Variants in ROBO1 observed in about 807,000 individuals in gnomAD.
ROBO1 encodes roundabout homolog 1.
In ROBO1, 149 loss-of-function variants were observed where a neutral mutation model predicts 195.9. The observed-to-expected ratio is 0.76, with a 90% CI of 0.67 to 0.87. The LOEUF (loss-of-function observed/expected upper bound fraction) is 0.87, where lower values mean the gene tolerates loss of function less well. Ranked by LOEUF, ROBO1 falls within the 40% of genes least tolerant of loss-of-function variation. ROBO1 has a pLI of 0.00. For missense variants in ROBO1, 1,933 were observed against 2,068.3 expected (o/e 0.93, Z 1.27); for synonymous variants, 816 against 733.2 (o/e 1.11, Z -1.82).
chr3:79,028,968 T>G (rs1415062318), intron 3 of ROBO1, among the ~76,000 whole-genome samples: 1 of 152,088 alleles, frequency 6.6e-6, no homozygotes, highest in Non-Finnish European at 1.5e-5. Flanking sequence ...AATAGTTACC[T>G]TTGGAAAAAA....
At chr3:79,250,393 T>C (rs2082697766) in intron 2 of ROBO1, among the ~76,000 whole-genome samples, 1 of 152,226 alleles carries the variant, frequency 6.6e-6, no homozygotes, top group African/African-American at 2.4e-5. Context: ...CAAGTAATAC[T>C]AATATTTCAA....
intron 3 of ROBO1, among the ~76,000 whole-genome samples, chr3:79,115,335 C>T: frequency 6.6e-6 from 1 of 152,052 alleles, no homozygotes; most frequent in East Asian, 1.9e-4. Context: ...TATGTAACAA[C>T]AAAGTCTGGG....
Position 78,983,093 on chromosome 3 carries a change from G to A in ROBO1, c.173-44166C>T, listed in dbSNP as rs140656830. Among the ~76,000 whole-genome samples, 357 of 152,158 alleles carry A rather than the reference G, an allele frequency of 2.3e-3. 3 individuals are homozygous for A. The highest frequency in any genetic ancestry group is 8.2e-3 in the African/African-American group (340 of 41,530). On this transcript the variant is annotated intron_variant, in intron 3 of 30. Transcript: ENST00000464233. ...AAGCTAATTTTTGTAGTTGTTAAAA[G>A]AGATGGGGTATCACCATGTTACCCA...
chr3:78,662,242 CGG>C, intron 14 of ROBO1, 128 bp from the exon 15 acceptor site: 1 of 508,384 alleles, frequency 2.0e-6, no homozygotes. Flanking sequence ...GGCTGTGATT[CGG>C]AAAAAAAAAA....
intron 1 of ROBO1, among the ~76,000 whole-genome samples, chr3:79,736,071 G>C (rs1703373149): frequency 6.6e-6 from 1 of 152,176 alleles, no homozygotes; most frequent in Admixed American, 6.5e-5. Flanking sequence ...AAATGAGGCA[G>C]AGAAGGCTTA....
intron 2 of ROBO1, among the ~76,000 whole-genome samples, chr3:79,478,576 G>T (rs934724341): frequency 6.6e-5 from 10 of 152,150 alleles, no homozygotes; most frequent in African/African-American, 2.4e-4. Flanking sequence ...AGCCTGAGCT[G>T]CTTGGGGGAA....
intron 4 of ROBO1, among the ~76,000 whole-genome samples, chr3:78,791,663 ACTGT>A (rs747345492): frequency 6.8e-4 from 103 of 152,254 alleles, no homozygotes; most frequent in Admixed American, 1.4e-3. Context: ...ATCAACCTTT[ACTGT>A]CTGTGTGCTA....
At chr3:78,876,797 T>C (rs562206254) in intron 4 of ROBO1, among the ~76,000 whole-genome samples, 2 of 152,266 alleles carry the variant, frequency 1.3e-5, no homozygotes, top group East Asian at 3.9e-4. Context: ...CAAAAATACA[T>C]TTGGTCAAAC....
chr3:79,728,585 T>C (rs1348346661), intron 1 of ROBO1, among the ~76,000 whole-genome samples: 1 of 152,178 alleles, frequency 6.6e-6, no homozygotes, highest in African/African-American at 2.4e-5. Flanking sequence ...CTAGTATTTA[T>C]AATTACACAT....
chr3:79,046,263 A>G (rs2078590140), intron 3 of ROBO1, among the ~76,000 whole-genome samples: 1 of 152,046 alleles, frequency 6.6e-6, no homozygotes. Flanking sequence ...GCAAACAGTC[A>G]GTGAGACCCT....
At chr3:78,653,373 T>C (rs957391195) in intron 18 of ROBO1, among the ~76,000 whole-genome samples, 2 of 152,182 alleles carry the variant, frequency 1.3e-5, no homozygotes, top group Non-Finnish European at 2.9e-5. Context: ...ACTGTGCAGA[T>C]ATGCCAGTGA....
chr3:79,384,780 T>C (rs556322085), intron 2 of ROBO1, among the ~76,000 whole-genome samples: 1 of 152,176 alleles, frequency 6.6e-6, no homozygotes, highest in East Asian at 1.9e-4. Context: ...GTATCTCTGA[T>C]AATATTCATA....
At chr3:78,734,025 A>G (rs2082338874) in intron 5 of ROBO1, among the ~76,000 whole-genome samples, 2 of 152,062 alleles carry the variant, frequency 1.3e-5, no homozygotes, top group South Asian at 2.1e-4. Context: ...AATATACTGT[A>G]TTATTTTGAA....
chr3:79,171,490 T>C (rs1220102752), intron 2 of ROBO1, among the ~76,000 whole-genome samples: 2 of 150,456 alleles, frequency 1.3e-5, no homozygotes, highest in Non-Finnish European at 3.0e-5. Flanking sequence ...TTTAAGAAAG[T>C]GATGAAGAAA....
chr3:78,807,261 T>C (rs2084574331), intron 4 of ROBO1, among the ~76,000 whole-genome samples: 1 of 152,226 alleles, frequency 6.6e-6, no homozygotes, highest in Non-Finnish European at 1.5e-5. Flanking sequence ...TTTATTACTA[T>C]TTTTCTCTTT....
Position 79,591,453 on chromosome 3 carries a change from T to G in ROBO1, c.-50-1492A>C, listed in dbSNP as rs190425020. ...TTGGAGATTATTTCCTCTCTCTAAA[T>G]TTTTCTGTAAGCAACTTTGATCTGA... On this transcript the variant is annotated intron_variant, in intron 1 of 30. Transcript: ENST00000464233. Among the ~76,000 whole-genome samples the G allele has an allele frequency of 3.6e-4, 54 of 151,998 alleles. No individual in the cohort carries two copies. In the East Asian group the frequency reaches 0.01, roughly 28 times the overall value.
chr3:79,054,868 A>T (rs913449163), intron 3 of ROBO1, among the ~76,000 whole-genome samples: 2 of 152,088 alleles, frequency 1.3e-5, no homozygotes, highest in African/African-American at 4.8e-5. Context: ...TCAGACCAAC[A>T]TTGCGTTTCC....
At chr3:79,086,509 GTA>G (rs1258694185) in intron 3 of ROBO1, among the ~76,000 whole-genome samples, 1 of 152,042 alleles carries the variant, frequency 6.6e-6, no homozygotes, top group Non-Finnish European at 1.5e-5. Flanking sequence ...TTGACAATTG[GTA>G]CAAGACATAT....
intron 1 of ROBO1, among the ~76,000 whole-genome samples, chr3:79,744,929 C>T (rs1703806926): frequency 6.7e-6 from 1 of 150,308 alleles, no homozygotes; most frequent in African/African-American, 2.5e-5. Context: ...TATATAAAAA[C>T]ATATATATAT....
Sources: allele counts gnomAD v4.1 joint callset (sites outside exome capture counted in the v4.1 genomes callset), GRCh38; gene constraint gnomAD v4.1.1; transcripts MANE v1.5; gene names NCBI Gene and HGNC (gene_info 2026-07-23, HGNC 2026-07-21).